RBFOX1: variants seen among roughly 807,000 people sequenced by gnomAD.
RBFOX1 encodes RNA binding fox-1 homolog 1.
In RBFOX1, 8 loss-of-function variants were observed where a neutral mutation model predicts 57.7. That is an observed-to-expected ratio of 0.14 (90% CI 0.08 to 0.25). RBFOX1 has a LOEUF of 0.25. Ranked by LOEUF, RBFOX1 falls within the 10% of genes least tolerant of loss-of-function variation. RBFOX1 has a pLI of 1.00. For synonymous variants in RBFOX1, 326 were observed against 222.4 expected (o/e 1.47, Z -4.15); for missense variants, 611 against 548.5 (o/e 1.11, Z -1.14).
chr16:5,340,221 A>C (rs1007524153), intron 1 of RBFOX1, among the ~76,000 whole-genome samples: 1 of 152,186 alleles, frequency 6.6e-6, no homozygotes, highest in Non-Finnish European at 1.5e-5. Flanking sequence ...TTGTTTGTCC[A>C]TAAACCCAGA....
chr16:7,608,087 G>C (rs916216833), intron 10 of RBFOX1, among the ~76,000 whole-genome samples: 3 of 152,166 alleles, frequency 2.0e-5, no homozygotes, highest in Non-Finnish European at 2.9e-5. Flanking sequence ...GAATACCTAG[G>C]ACCTTAGTAG....
At chr16:7,459,697 A>T (rs1010898694) in intron 4 of RBFOX1, among the ~76,000 whole-genome samples, 1 of 152,216 alleles carries the variant, frequency 6.6e-6, no homozygotes, top group Non-Finnish European at 1.5e-5. Flanking sequence ...TGGCATTTCA[A>T]AATATTGCTT....
At chr16:7,010,374 C>G (rs889251593) in intron 3 of RBFOX1, among the ~76,000 whole-genome samples, 2 of 152,122 alleles carry the variant, frequency 1.3e-5, no homozygotes, top group African/African-American at 4.8e-5. Flanking sequence ...GACTCTTACG[C>G]TAGGACACAC....
At chr16:6,391,103 A>C (rs1455647436) in intron 2 of RBFOX1, among the ~76,000 whole-genome samples, 1 of 152,142 alleles carries the variant, frequency 6.6e-6, no homozygotes, top group Non-Finnish European at 1.5e-5. Context: ...GTCCCCTCCA[A>C]ATGTGACAAA....
chr16:7,485,468 C>T (rs149855263), intron 4 of RBFOX1, among the ~76,000 whole-genome samples: 2 of 152,202 alleles, frequency 1.3e-5, no homozygotes, highest in East Asian at 3.9e-4. Context: ...AATGCTTCAA[C>T]CTCCCACATG....
chr16:5,524,482 A>G (rs1350057260), intron 2 of RBFOX1, among the ~76,000 whole-genome samples: 1 of 151,340 alleles, frequency 6.6e-6, no homozygotes, highest in African/African-American at 2.4e-5. Flanking sequence ...AATGATTTAT[A>G]TTCCTTTCGG....
intron 3 of RBFOX1, among the ~76,000 whole-genome samples, chr16:6,878,778 T>G (rs1011987342): frequency 6.6e-6 from 1 of 152,156 alleles, no homozygotes; most frequent in African/African-American, 2.4e-5. Flanking sequence ...TCTGCAGAAA[T>G]TTTAAAAAGT....
chr16:5,666,136 G>A (rs1205448517), intron 3 of RBFOX1, among the ~76,000 whole-genome samples: 2 of 152,214 alleles, frequency 1.3e-5, no homozygotes, highest in African/African-American at 2.4e-5. Context: ...TTTGCCTGGA[G>A]CCTTTACAAG....
chr16:7,037,195 C>T (rs1010189705), intron 3 of RBFOX1, among the ~76,000 whole-genome samples: 6 of 149,866 alleles, frequency 4.0e-5, no homozygotes, highest in Non-Finnish European at 7.4e-5. Context: ...ATGCCTTAGC[C>T]ATCTGGGAAT....
At position 7,128,425 on chromosome 16, in the gene RBFOX1, T is replaced by A. The variant is rs551999199; in HGVS notation, c.27+76327T>A. On this transcript the variant is annotated intron_variant, in intron 4 of 15. Transcript: ENST00000550418. ...AAGAGTGACCATGAGTCTGATAAAT[T>A]GGCAAACCAAGAGAGCCTGAATCCT... Among the ~76,000 whole-genome samples, 12 of 152,308 alleles carry A rather than the reference T, an allele frequency of 7.9e-5. 1 individual carries two copies. In the South Asian group the frequency reaches 8.3e-4, roughly 11 times the overall value.
intron 3 of RBFOX1, among the ~76,000 whole-genome samples, chr16:6,824,306 T>C (rs748337989): frequency 2.6e-5 from 4 of 152,148 alleles, no homozygotes; most frequent in Non-Finnish European, 5.9e-5. Flanking sequence ...TCATGGAGGC[T>C]GCGGTAGGAG....
At chr16:6,451,773 G>A (rs1315241083) in intron 2 of RBFOX1, among the ~76,000 whole-genome samples, 4 of 152,084 alleles carry the variant, frequency 2.6e-5, no homozygotes, top group Admixed American at 2.0e-4. Context: ...TTTTGGCCCT[G>A]TGCTGCTCTT....
chr16:7,711,607 TTTTTTCCAAAAAAAGAAAGTAATAAAAAC>T lies in RBFOX1; in HGVS notation c.*865_*893del, dbSNP rs909053634. 5 of 152,486 alleles carry T rather than the reference TTTTTTCCAAAAAAAGAAAGTAATAAAAAC, an allele frequency of 3.3e-5. No homozygotes were observed. The highest frequency in any genetic ancestry group is 1.2e-4 in the African/African-American group (5 of 41,418). 9.4% of individuals were successfully genotyped at this position (152,486 alleles called of 1,614,324 possible). A position where few individuals can be genotyped will look rare whatever the true frequency, so the allele number is the denominator to read the frequency against. On this transcript the variant is annotated 3_prime_UTR_variant, in exon 16 of 16. Coordinates refer to ENST00000550418, the MANE Select transcript of RBFOX1 (RefSeq NM_018723.4). ...AAAAGCACTGTTTCTATTTTTTTCT[TTTTTTCCAAAAAAAGAAAGTAATAAAAAC>T]TTAAATTCTTTGTACCAGTTAAAAA...
chr16:5,752,924 G>T (rs1284230493), intron 3 of RBFOX1, among the ~76,000 whole-genome samples: 1 of 152,196 alleles, frequency 6.6e-6, no homozygotes, highest in Non-Finnish European at 1.5e-5. Context: ...TGAGGCAAGA[G>T]GATCGCTTGA....
At chr16:5,288,430 T>C (rs2063453034) in intron 1 of RBFOX1, among the ~76,000 whole-genome samples, 1 of 152,128 alleles carries the variant, frequency 6.6e-6, no homozygotes, top group South Asian at 2.1e-4. Context: ...GGAAATTAAA[T>C]AGTCTTCCCC....
chr16:5,874,274 T>C (rs1159368043), intron 4 of RBFOX1, among the ~76,000 whole-genome samples: 1 of 152,202 alleles, frequency 6.6e-6, no homozygotes, highest in East Asian at 1.9e-4. Context: ...AAGGGATCAA[T>C]GGTCCTCTGG....
Position 6,754,626 on chromosome 16 carries a change from C to T in RBFOX1, c.-16+99976C>T, listed in dbSNP as rs1458313369. ...TGTCTTGTTGAATTTTTCAGGAGCA[C>T]ACTTTTATATACGGGGATGTTGTTT... On this transcript the variant is annotated intron_variant, in intron 3 of 15. Coordinates refer to ENST00000550418, the MANE Select transcript of RBFOX1 (RefSeq NM_018723.4). Among the ~76,000 whole-genome samples, 3 of 152,138 alleles carry T rather than the reference C, an allele frequency of 2.0e-5. No individual in the cohort carries two copies. In the East Asian group the frequency reaches 5.8e-4, roughly 29 times the overall value.
At chr16:5,866,641 A>G (rs892734871) in intron 3 of RBFOX1, among the ~76,000 whole-genome samples, 6 of 152,254 alleles carry the variant, frequency 3.9e-5, no homozygotes, top group Admixed American at 6.5e-5. Context: ...CTGAACATCT[A>G]CGTGACTTTA....
intron 12 of RBFOX1, among the ~76,000 whole-genome samples, chr16:7,657,084 C>T (rs978490394): frequency 6.6e-6 from 1 of 152,098 alleles, no homozygotes; most frequent in African/African-American, 2.4e-5. Context: ...CCTGAAGTAT[C>T]CAATATGAAT....
Sources: allele counts gnomAD v4.1 joint callset (sites outside exome capture counted in the v4.1 genomes callset), GRCh38; gene constraint gnomAD v4.1.1; transcripts MANE v1.5; gene names NCBI Gene and HGNC (gene_info 2026-07-23, HGNC 2026-07-21).